The following NRXN3 variants were observed in gnomAD, a reference collection of about 807,000 sequenced individuals.
NRXN3 encodes neurexin 3.
Under a neutral mutation model 137.6 loss-of-function variants are expected in NRXN3, and 32 were observed. The observed-to-expected ratio is 0.23, with a 90% confidence interval of 0.18 to 0.31. The LOEUF is 0.31. NRXN3 is among the 10% of genes least tolerant of loss of function. The pLI is 1.00. For missense variants in NRXN3, 1,574 were observed against 2,062.5 expected (o/e 0.76, Z 4.59); for synonymous variants, 798 against 784.5 (o/e 1.02, Z -0.29).
chr14:78,742,230 A>G (rs2098579760), intron 8 of NRXN3, among the ~76,000 whole-genome samples: 1 of 152,210 alleles, frequency 6.6e-6, no homozygotes, highest in African/African-American at 2.4e-5. Context: ...CCAAGATGCC[A>G]TGGGAGAAAA....
intron 4 of NRXN3, among the ~76,000 whole-genome samples, chr14:78,542,653 C>T (rs1247475476): frequency 4.6e-5 from 7 of 152,160 alleles, no homozygotes; most frequent in Non-Finnish European, 2.9e-5. Context: ...CTGGGTGAGG[C>T]GATGCCCCAC....
At chr14:79,417,905 G>A (rs1405366869) in intron 15 of NRXN3, among the ~76,000 whole-genome samples, 1 of 151,682 alleles carries the variant, frequency 6.6e-6, no homozygotes, top group African/African-American at 2.4e-5. Context: ...TGTATGAGTG[G>A]AGACTTTATT....
At chr14:79,193,488 T>A (rs993563521) in intron 15 of NRXN3, among the ~76,000 whole-genome samples, 1 of 152,272 alleles carries the variant, frequency 6.6e-6, no homozygotes. Context: ...TTAATCTTTG[T>A]ATAAATCATA....
intron 15 of NRXN3, among the ~76,000 whole-genome samples, chr14:79,401,805 C>G (rs1450367294): frequency 6.7e-6 from 1 of 149,312 alleles, no homozygotes; most frequent in South Asian, 2.1e-4. Flanking sequence ...ATTTTGTGGA[C>G]TGATGAATAA....
At chr14:78,906,213 A>T (rs189861680) in intron 10 of NRXN3, among the ~76,000 whole-genome samples, 1 of 152,138 alleles carries the variant, frequency 6.6e-6, no homozygotes, top group African/African-American at 2.4e-5. Context: ...TCAGTGAATC[A>T]ACTGCAAATT....
intron 15 of NRXN3, among the ~76,000 whole-genome samples, chr14:79,070,783 A>G (rs2099686633): frequency 6.6e-6 from 1 of 152,176 alleles, no homozygotes; most frequent in Admixed American, 6.6e-5. Flanking sequence ...CTACTACCAC[A>G]CATACATTTA....
At chr14:78,371,755 C>G (rs543830987) in intron 4 of NRXN3, among the ~76,000 whole-genome samples, 1 of 152,326 alleles carries the variant, frequency 6.6e-6, no homozygotes, top group East Asian at 1.9e-4. Flanking sequence ...AGTGGCGAGA[C>G]GGGCCAAGAG....
At chr14:79,295,181 T>C (rs1002551778) in intron 15 of NRXN3, among the ~76,000 whole-genome samples, 2 of 152,174 alleles carry the variant, frequency 1.3e-5, no homozygotes, top group Admixed American at 1.3e-4. Flanking sequence ...TTTCCTTTTT[T>C]CCCCCCTTGA....
rs992223934 is a variant in NRXN3, at chr14:79,764,169, G to T, written c.4015-40943G>T. Among the ~76,000 whole-genome samples the T allele has an allele frequency of 2.7e-4, 41 of 149,786 alleles. 1 individual carries two copies. The highest frequency in any genetic ancestry group is 9.1e-4 in the African/African-American group (37 of 40,560). ...TTTTCTTTTTCTTTTGGTGGGTGGG[G>T]GGGGTGTTAAGATCTTATTCTCAGT... On this transcript the variant is annotated intron_variant, in intron 19 of 20. Transcript: ENST00000335750.
chr14:78,625,364 A>T (rs1057203825), intron 4 of NRXN3, among the ~76,000 whole-genome samples: 12 of 152,238 alleles, frequency 7.9e-5, no homozygotes, highest in Non-Finnish European at 1.0e-4. Flanking sequence ...TCTTGGTAAG[A>T]TCCCACAACC....
chr14:79,203,834 T>C (rs1445548211), intron 15 of NRXN3, among the ~76,000 whole-genome samples: 1 of 152,210 alleles, frequency 6.6e-6, no homozygotes, highest in Non-Finnish European at 1.5e-5. Context: ...TAATTATAAT[T>C]GTAGACATTT....
chr14:79,021,150 T>G (rs1416791046), intron 15 of NRXN3, among the ~76,000 whole-genome samples: 1 of 152,218 alleles, frequency 6.6e-6, no homozygotes, highest in Non-Finnish European at 1.5e-5. Flanking sequence ...TATGTTATCA[T>G]ATTGAAAATC....
intron 4 of NRXN3, among the ~76,000 whole-genome samples, chr14:78,481,245 G>C (rs1599240865): frequency 6.6e-6 from 1 of 152,202 alleles, no homozygotes; most frequent in Non-Finnish European, 1.5e-5. Flanking sequence ...GATAGTCTCT[G>C]TAGGGGAACG....
intron 16 of NRXN3, among the ~76,000 whole-genome samples, chr14:79,481,428 C>T (rs1248367967): frequency 1.3e-5 from 2 of 152,132 alleles, no homozygotes; most frequent in Non-Finnish European, 2.9e-5. Context: ...CTTACACAAA[C>T]CTAGATGTTA....
At chr14:78,711,929 A>G (rs2098411115) in intron 7 of NRXN3, among the ~76,000 whole-genome samples, 1 of 152,212 alleles carries the variant, frequency 6.6e-6, no homozygotes, top group South Asian at 2.1e-4. Context: ...AAGGATAGTT[A>G]TAAAAACAAG....
intron 15 of NRXN3, among the ~76,000 whole-genome samples, chr14:79,423,777 T>C (rs1454984535): frequency 1.3e-5 from 2 of 152,222 alleles, no homozygotes; most frequent in Non-Finnish European, 2.9e-5. Context: ...AAACATGGCA[T>C]GGACAGGCCA....
At chr14:78,668,750 C>T (rs182754279) in intron 6 of NRXN3, among the ~76,000 whole-genome samples, 3 of 152,086 alleles carry the variant, frequency 2.0e-5, no homozygotes, top group East Asian at 1.9e-4. Context: ...ATTGAGCATG[C>T]GAGCAGTCAT....
chr14:79,336,666 CAT>C (rs2092282824), intron 15 of NRXN3, among the ~76,000 whole-genome samples: 1 of 152,150 alleles, frequency 6.6e-6, no homozygotes, highest in South Asian at 2.1e-4. Flanking sequence ...CAATAATAAA[CAT>C]GTGTTATGTT....
chr14:78,852,270 T>C (rs1021144291), intron 10 of NRXN3, among the ~76,000 whole-genome samples: 2 of 152,168 alleles, frequency 1.3e-5, no homozygotes, highest in African/African-American at 4.8e-5. Context: ...GCAAGCCTGG[T>C]ATTGGCTGCA....
Sources: gnomAD v4.1 joint callset for allele counts (sites outside exome capture counted in the v4.1 genomes callset) on GRCh38, gnomAD v4.1.1 for gene constraint, MANE v1.5 for transcripts, NCBI Gene and HGNC (gene_info 2026-07-23, HGNC 2026-07-21) for gene names.